The following TYW1 variants were observed in gnomAD, a reference collection of about 807,000 sequenced individuals.
TYW1 encodes S-adenosyl-L-methionine-dependent tRNA 4-demethylwyosine synthase TYW1.
TYW1 carries 46 observed loss-of-function variants against 96.2 expected under a neutral mutation model. The ratio of observed to expected loss-of-function variants is 0.48; its 90% CI spans 0.38 to 0.61. The LOEUF (loss-of-function observed/expected upper bound fraction) is 0.61. TYW1 is among the 20% of genes least tolerant of loss of function. TYW1 has a pLI of 0.00. For synonymous variants in TYW1, 274 were observed against 323.0 expected (o/e 0.85, Z 1.63); for missense variants, 684 against 909.6 (o/e 0.75, Z 3.19).
At chr7:67,129,385 G>A (rs1229408402) in intron 13 of TYW1, among the ~76,000 whole-genome samples, 1 of 152,136 alleles carries the variant, frequency 6.6e-6, no homozygotes, top group Non-Finnish European at 1.5e-5. Context: ...CCTAATGACT[G>A]GGTCTGTCTG....
intron 12 of TYW1, among the ~76,000 whole-genome samples, chr7:67,107,425 C>A (rs1797276550): frequency 6.6e-6 from 1 of 152,108 alleles, no homozygotes; most frequent in Non-Finnish European, 1.5e-5. Context: ...CTGAAACATG[C>A]ATGTCTGGAT....
At chr7:67,098,005 G>GAA (rs1469749047) in intron 11 of TYW1, among the ~76,000 whole-genome samples, 1 of 152,076 alleles carries the variant, frequency 6.6e-6, no homozygotes, top group African/African-American at 2.4e-5. Flanking sequence ...CTGGCCTGTA[G>GAA]AAGTATTTTT....
In TYW1 at chr7:67,035,154, T is replaced by C. The variant is rs1391875000; in HGVS notation, c.984+10132T>C. Among the ~76,000 whole-genome samples the C allele has an allele frequency of 3.3e-5, 5 of 151,766 alleles. No individual in the cohort carries two copies. The East Asian group carries it at 9.6e-4, about 29-fold the overall frequency. On this transcript the variant is annotated intron_variant, in intron 7 of 15. Transcript: ENST00000359626. Reference sequence around the variant, plus strand: ...TTTTTTTTGAGATGGAGTCTTGCTCTGTTGCCCAGGCTGGAGTGTAGTAGT... The same window carrying C: ...TTTTTTTTGAGATGGAGTCTTGCTCCGTTGCCCAGGCTGGAGTGTAGTAGT...
At chr7:67,069,967 G>T (rs1795982982) in intron 10 of TYW1, among the ~76,000 whole-genome samples, 1 of 152,108 alleles carries the variant, frequency 6.6e-6, no homozygotes, top group Non-Finnish European at 1.5e-5. Context: ...GTGTCTTAAT[G>T]TCTCCTTCAG....
chr7:67,175,166 C>A (rs1216892826), intron 13 of TYW1, among the ~76,000 whole-genome samples: 3 of 144,206 alleles, frequency 2.1e-5, no homozygotes, highest in African/African-American at 7.8e-5. Flanking sequence ...TTTATTAGTT[C>A]AGAATTTTTT....
chr7:67,043,189 T>TC (rs1292882834), intron 7 of TYW1, among the ~76,000 whole-genome samples: 2 of 152,172 alleles, frequency 1.3e-5, no homozygotes, highest in Non-Finnish European at 2.9e-5. Flanking sequence ...AAGCCTGGAC[T>TC]CCATCTGTCT....
chr7:67,164,817 G>A (rs10155983), intron 13 of TYW1, among the ~76,000 whole-genome samples: 37,260 of 151,546 alleles, frequency 0.25, 4,711 homozygotes, highest in South Asian at 0.3. Context: ...TAGCTAAAGG[G>A]TGATATCATA....
chr7:67,160,104 A>C lies in TYW1; in HGVS notation c.1699-23022A>C, dbSNP rs550552542. On this transcript the variant is annotated intron_variant, in intron 13 of 15. Transcript: ENST00000359626. ...GACATGAGCCACCACGCCTGGCCCC[A>C]AAAATTTTTAAGTTGAGCCAGAGGC... is the stretch of plus-strand genomic sequence containing the variant. Among the ~76,000 whole-genome samples, 10 of 152,168 alleles carry C rather than the reference A, an allele frequency of 6.6e-5. No homozygotes were observed. The South Asian group carries it at 1.9e-3, about 28-fold the overall frequency.
At chr7:67,110,619 A>T (rs1797373996) in intron 12 of TYW1, among the ~76,000 whole-genome samples, 1 of 152,214 alleles carries the variant, frequency 6.6e-6, no homozygotes, top group South Asian at 2.1e-4. Context: ...CAAGAAACGA[A>T]CAAAACAATA....
In TYW1 at chr7:67,194,789, A is replaced by G. The variant is rs1281726974; in HGVS notation, c.1810-381A>G. On this transcript the variant is annotated intron_variant, in intron 14 of 15. Transcript: ENST00000359626. Reference sequence around the variant, plus strand: ...TTTTATGAGTGTCCACTATGCCCCCATTATTGTCCTAAGGGGTGATAACCC... The same window carrying G: ...TTTTATGAGTGTCCACTATGCCCCCGTTATTGTCCTAAGGGGTGATAACCC... Among the ~76,000 whole-genome samples, 5 of 148,634 alleles carry G rather than the reference A, an allele frequency of 3.4e-5. No homozygotes were observed. In the East Asian group the frequency reaches 5.8e-4, roughly 17 times the overall value.
chr7:67,176,745 T>A (rs1336621913), intron 13 of TYW1, among the ~76,000 whole-genome samples: 2 of 152,324 alleles, frequency 1.3e-5, no homozygotes, highest in South Asian at 4.1e-4. Flanking sequence ...CACCATACTC[T>A]TTCAGAAGGA....
chr7:67,125,430 T>G (rs1227552443), intron 13 of TYW1, among the ~76,000 whole-genome samples: 3 of 152,038 alleles, frequency 2.0e-5, no homozygotes, highest in African/African-American at 7.2e-5. Context: ...AGAGCAGTTT[T>G]AGACTCAAAA....
intron 12 of TYW1, among the ~76,000 whole-genome samples, chr7:67,111,188 CAGGA>C (rs1797394948): frequency 6.6e-6 from 1 of 151,756 alleles, no homozygotes; most frequent in Non-Finnish European, 1.5e-5. Flanking sequence ...CAAAGAACTA[CAGGA>C]AAGCATTTTC....
intron 15 of TYW1, among the ~76,000 whole-genome samples, chr7:67,207,659 C>T (rs904085698): frequency 1.5e-5 from 2 of 131,880 alleles, no homozygotes. Context: ...ATTTGTTTAT[C>T]TACTTCACAA....
In TYW1 at chr7:67,083,422, G is replaced by C. The variant is rs1430165302; in HGVS notation, c.1275-8G>C. ...AGGGTCTTTTAGAACTTTGCATCTT[G>C]TTCCTAGGCACCACACCAACCCCGT... On this transcript the variant is annotated splice_polypyrimidine_tract_variant and splice_region_variant and intron_variant, in intron 10 of 15. Coordinates refer to ENST00000359626, the MANE Select transcript of TYW1 (RefSeq NM_018264.4). 3 of 1,613,728 alleles carry C rather than the reference G, an allele frequency of 1.9e-6. No homozygotes were observed. The East Asian group carries it at 6.7e-5, about 36-fold the overall frequency.
chr7:67,029,420 T>G (rs1220771159), intron 7 of TYW1, among the ~76,000 whole-genome samples: 2 of 118,534 alleles, frequency 1.7e-5, no homozygotes, highest in African/African-American at 6.6e-5. Flanking sequence ...TGTGTGTATA[T>G]ATATATATAT....
intron 14 of TYW1, among the ~76,000 whole-genome samples, chr7:67,186,442 C>T (rs909401626): frequency 1.7e-4 from 26 of 152,084 alleles, no homozygotes; most frequent in African/African-American, 5.6e-4. Context: ...AAACTATGAA[C>T]ATCACTAGGA....
chr7:67,042,776 C>CAAG (rs1795073506), intron 7 of TYW1, among the ~76,000 whole-genome samples: 1 of 152,008 alleles, frequency 6.6e-6, no homozygotes, highest in African/African-American at 2.4e-5. Flanking sequence ...GCTGGTGGAT[C>CAAG]ACCTGAGGTC....
intron 13 of TYW1, among the ~76,000 whole-genome samples, chr7:67,146,280 G>A (rs1425801406): frequency 6.6e-6 from 1 of 151,732 alleles, no homozygotes; most frequent in Admixed American, 6.6e-5. Context: ...TTTTTATGAT[G>A]CCTTCTTATG....
Sources: gnomAD v4.1 joint callset for allele counts (sites outside exome capture counted in the v4.1 genomes callset) on GRCh38, gnomAD v4.1.1 for gene constraint, MANE v1.5 for transcripts, NCBI Gene and HGNC (gene_info 2026-07-23, HGNC 2026-07-21) for gene names.